KPNA7: variants seen among roughly 807,000 people sequenced by gnomAD.
KPNA7 encodes the protein importin subunit alpha-8.
In KPNA7, 54 loss-of-function variants were observed where a neutral mutation model predicts 53.7. The observed-to-expected ratio is 1.01, with a 90% CI of 0.81 to 1.26. The LOEUF is 1.26. Ranked by LOEUF, KPNA7 falls within the 50% of genes most tolerant of loss-of-function variation. KPNA7 has a pLI of 0.00. For synonymous variants in KPNA7, 276 were observed against 259.3 expected (o/e 1.06, Z -0.62); for missense variants, 640 against 644.5 (o/e 0.99, Z 0.07).
intron 3 of KPNA7, among the ~76,000 whole-genome samples, chr7:99,198,991 T>A (rs1448879803): frequency 7.1e-6 from 1 of 141,614 alleles, no homozygotes. Context: ...GCAATTTAAT[T>A]TACAACATAA....
chr7:99,184,352 A>G (rs1380738691), intron 8 of KPNA7, among the ~76,000 whole-genome samples: 1 of 151,864 alleles, frequency 6.6e-6, no homozygotes, highest in East Asian at 1.9e-4. Flanking sequence ...TTGTAGAGAA[A>G]GAGTTTCGCC....
the KPNA7 span, among the ~76,000 whole-genome samples, chr7:99,150,408 A>G: frequency 8.9e-6 from 1 of 112,590 alleles, no homozygotes; most frequent in Non-Finnish European, 1.8e-5. Context: ...TGGAAACTTC[A>G]TGAATCATTC....
intron 7 of KPNA7, among the ~76,000 whole-genome samples, chr7:99,186,809 C>G (rs575050332): frequency 6.6e-6 from 1 of 152,176 alleles, no homozygotes; most frequent in South Asian, 2.1e-4. Flanking sequence ...CTAGCACTAT[C>G]CCGAAACCAA....
chr7:99,176,193 G>A (rs1418549845), intron 10 of KPNA7, among the ~76,000 whole-genome samples: 1 of 151,672 alleles, frequency 6.6e-6, no homozygotes, highest in Non-Finnish European at 1.5e-5. Flanking sequence ...AGCTACTTGG[G>A]AGGCTGAGGC....
chr7:99,167,125 C>A, the KPNA7 span, among the ~76,000 whole-genome samples: 2 of 152,234 alleles, frequency 1.3e-5, no homozygotes, highest in African/African-American at 4.8e-5. Flanking sequence ...CATACCCCAA[C>A]TCCACCTCGC....
intron 4 of KPNA7, among the ~76,000 whole-genome samples, chr7:99,195,794 C>T (rs1020792367): frequency 7.9e-5 from 12 of 152,136 alleles, no homozygotes; most frequent in Non-Finnish European, 1.5e-4. Context: ...TAGCATTTTT[C>T]GGTATTAAAT....
intron 2 of KPNA7, among the ~76,000 whole-genome samples, chr7:99,204,691 C>T (rs1253288535): frequency 6.6e-6 from 1 of 151,964 alleles, no homozygotes; most frequent in Non-Finnish European, 1.5e-5. Context: ...GCCCGGCCAA[C>T]ATAGTGAGAC....
chr7:99,163,164 A>G, the KPNA7 span, among the ~76,000 whole-genome samples: 3 of 151,820 alleles, frequency 2.0e-5, no homozygotes, highest in Non-Finnish European at 4.4e-5. Flanking sequence ...CTGGGCAGCA[A>G]GAGCAAAACT....
chr7:99,199,299 A>G (rs935959684), intron 3 of KPNA7, among the ~76,000 whole-genome samples: 4 of 151,760 alleles, frequency 2.6e-5, no homozygotes, highest in Admixed American at 1.3e-4. Context: ...CCAAAATTAT[A>G]TTGAAAAAAA....
In KPNA7 at chr7:99,188,375, G is replaced by A; in HGVS notation, c.825C>T (p.Arg275=). Residue 275 remains arginine (R), a synonymous_variant, in exon 7 of 11, where the codon CGC becomes CGT. Coordinates refer to ENST00000327442, the MANE Select transcript of KPNA7 (RefSeq NM_001145715.3). ...CCCCCGTGTTAACCACTTGGCCGATGCGCTTGTTGGAGCCGTCGGTGAGGT... is the reference window on the plus strand; with the variant it reads ...CCCCCGTGTTAACCACTTGGCCGATACGCTTGTTGGAGCCGTCGGTGAGGT... ...LSYLTDGSNK[R]IGQVVNTGVL... 1 of 1,551,584 alleles carries A rather than the reference G, an allele frequency of 6.4e-7. No homozygotes were observed. The highest frequency in any genetic ancestry group is 8.7e-7 in the Non-Finnish European group (1 of 1,146,998).
the KPNA7 span, among the ~76,000 whole-genome samples, chr7:99,150,182 A>T: frequency 6.6e-6 from 1 of 150,644 alleles, no homozygotes; most frequent in East Asian, 2.0e-4. Context: ...GGAAGCCTTG[A>T]TCTCCTCAGC....
At chr7:99,191,282 T>A (rs1171042704) in intron 6 of KPNA7, among the ~76,000 whole-genome samples, 2 of 149,862 alleles carry the variant, frequency 1.3e-5, no homozygotes, top group Non-Finnish European at 1.5e-5. Flanking sequence ...CTCAGCCTCC[T>A]GAGTAGCTGG....
intron 9 of KPNA7, among the ~76,000 whole-genome samples, chr7:99,178,738 G>C (rs1255826120): frequency 8.3e-6 from 1 of 121,022 alleles, no homozygotes; most frequent in Non-Finnish European, 1.6e-5. Context: ...TTACAGGTAT[G>C]AGCCACTGCA....
At position 99,205,251 on chromosome 7, in the gene KPNA7, A is replaced by C. The variant is rs572779737; in HGVS notation, c.67-2011T>G. Among the ~76,000 whole-genome samples the C allele has an allele frequency of 2.0e-5, 3 of 150,584 alleles. No homozygotes were observed. The South Asian group carries it at 6.3e-4, about 32-fold the overall frequency. Reference sequence around the variant, plus strand: ...ATCCTGGCCAACATGTTGAAACCCCATCTCTACCAAAATGCAAAAAAAAAA... The same window carrying C: ...ATCCTGGCCAACATGTTGAAACCCCCTCTCTACCAAAATGCAAAAAAAAAA... On this transcript the variant is annotated intron_variant, in intron 2 of 10. Coordinates refer to ENST00000327442, the MANE Select transcript of KPNA7 (RefSeq NM_001145715.3).
the KPNA7 span, among the ~76,000 whole-genome samples, chr7:99,148,317 C>T: frequency 6.6e-6 from 1 of 152,066 alleles, no homozygotes; most frequent in Non-Finnish European, 1.5e-5. Context: ...CTTTTATTTC[C>T]CAGAAATGTA....
chr7:99,188,257 T>A (rs777728498), intron 7 of KPNA7, 43 bp downstream of exon 7: 3 of 1,533,628 alleles, frequency 2.0e-6, no homozygotes, highest in Non-Finnish European at 2.6e-6. Context: ...AAAGTGACTA[T>A]GACCCGAGGA....
the KPNA7 span, among the ~76,000 whole-genome samples, chr7:99,156,390 GGAAA>G: frequency 1.3e-5 from 2 of 151,938 alleles, no homozygotes; most frequent in African/African-American, 4.8e-5. Flanking sequence ...TTTTGTTTCT[GGAAA>G]GAGTCTTCTG....
intron 2 of KPNA7, among the ~76,000 whole-genome samples, chr7:99,204,165 G>A (rs988227631): frequency 1.3e-5 from 2 of 151,920 alleles, no homozygotes; most frequent in African/African-American, 4.8e-5. Context: ...GGATCATTGA[G>A]GCCAGGAATT....
At position 99,217,619 on chromosome 7, in the gene KPNA7, C is replaced by CTTTT. The variant is rs10616354; in HGVS notation, c.-23-10134_-23-10131dup. Among the ~76,000 whole-genome samples the CTTTT allele has an allele frequency of 1.5e-4, 6 of 39,850 alleles. 1 individual carries two copies. Among genetic ancestry groups the CTTTT allele is most frequent in the African/African-American group, 6.6e-4 (6 of 9,138 alleles). 26.1% of individuals were successfully genotyped at this position (39,850 alleles called of 152,430 possible). A position where few individuals can be genotyped will look rare whatever the true frequency, so the allele number is the denominator to read the frequency against. On this transcript the variant is annotated intron_variant, in intron 1 of 10. Coordinates refer to the KPNA7 transcript ENST00000681060. ...CCCAGGAACGGGGACTCCACCTTGC[C>CTTTT]TTTTTTTTTTTTTTTTTTTTTTTTT...
Sources: allele counts gnomAD v4.1 joint callset (sites outside exome capture counted in the v4.1 genomes callset), GRCh38; gene constraint gnomAD v4.1.1; transcripts MANE v1.5; gene names NCBI Gene and HGNC (gene_info 2026-07-23, HGNC 2026-07-21).